The following SLC22A12 variants were observed in gnomAD, a reference collection of about 807,000 sequenced individuals.
SLC22A12 encodes the protein solute carrier family 22 member 12.
SLC22A12 carries 56 observed loss-of-function variants against 52.7 expected under a neutral mutation model. The observed-to-expected ratio is 1.06, with a 90% CI of 0.86 to 1.33. SLC22A12 has a LOEUF of 1.33. Among genes scored for constraint, SLC22A12 ranks in the 40% most tolerant of loss-of-function variants. The pLI is 0.00. For missense variants in SLC22A12, 683 were observed against 741.5 expected, an observed-to-expected ratio of 0.92 and a Z score of 0.92; for synonymous variants, 337 against 324.6, an observed-to-expected ratio of 1.04 and a Z score of -0.41.
chr11:64,600,409 G>T lies in SLC22A12; in HGVS notation c.1328G>T (p.Gly443Val). The change falls in exon 8 of 10, where the codon GGC becomes GTC. Residue 443 changes from glycine to valine, a missense_variant. Coordinates refer to ENST00000377574, the MANE Select transcript of SLC22A12 (RefSeq NM_144585.4). ...LRSALAVLGL[G>V]GVGAAFTCIT... ...TCAGCCTTGGCCGTGCTGGGGCTGG[G>T]CGGGGTGGGGGCTGCCTTCACCTGC... The T allele has an allele frequency of 6.2e-7, 1 of 1,607,714 alleles. No individual in the cohort carries two copies.
chr11:64,593,098 G>T (rs71581778), intron 2 of SLC22A12, among the ~76,000 whole-genome samples: 2 of 152,354 alleles, frequency 1.3e-5, no homozygotes, highest in East Asian at 3.9e-4. Flanking sequence ...TTACTCTGGG[G>T]GTTGTAGAGG....
At position 64,593,744 on chromosome 11, in the gene SLC22A12, C is replaced by T; in HGVS notation, c.771C>T (p.Asp257=). Residue 257 remains aspartate (D), a synonymous_variant, in exon 4 of 10, where the codon GAC becomes GAT. Transcript: ENST00000377574. ...CTGCAGTGGCCTACGGTGTGCGGGA[C>T]TGGACACTGCTGCAGCTGGTGGTCT... The part of the protein sequence containing the change: ...LTAAVAYGVR[D]WTLLQLVVSV... The T allele has an allele frequency of 3.1e-6, 5 of 1,613,348 alleles. No individual in the cohort carries two copies. Among genetic ancestry groups the T allele is most frequent in the Non-Finnish European group, 4.2e-6 (5 of 1,180,028 alleles).
rs373881060 is a variant in SLC22A12 at position 64,593,628 on chromosome 11, C to T, written c.662-7C>T. 3.5e-4 allele frequency: 562 copies of T among 1,614,088 alleles called. No individual in the cohort carries two copies. Among genetic ancestry groups the T allele is most frequent in the Non-Finnish European group, 4.5e-4 (532 of 1,180,054 alleles). On this transcript the variant is annotated splice_polypyrimidine_tract_variant and splice_region_variant and intron_variant, in intron 3 of 9. Coordinates refer to ENST00000377574, the MANE Select transcript of SLC22A12 (RefSeq NM_144585.4). ...CTCCAGGGCTGAACCACTCGGTCTC[C>T]TTGCAGTGATGGAGTGGACGGCGGC...
intron 4 of SLC22A12, among the ~76,000 whole-genome samples, chr11:64,595,360 TGGA>T (rs2039123631): frequency 3.4e-4 from 13 of 38,364 alleles, no homozygotes; most frequent in African/African-American, 6.3e-4. Context: ...AATGGATGGA[TGGA>T]TGGATGGATG....
chr11:64,596,023 AATGGATGGATGGT>A (rs1565137389), intron 4 of SLC22A12, among the ~76,000 whole-genome samples: 46 of 3,112 alleles, frequency 0.015, no homozygotes, highest in Middle Eastern at 0.17. Context: ...GGATGGATGG[AATGGATGGATGGT>A]TGGAATAGAT....
Position 64,591,454 on chromosome 11 carries a change from G to T in SLC22A12, c.-103G>T. On this transcript the variant is annotated 5_prime_UTR_variant, in exon 1 of 10. Coordinates refer to ENST00000377574, the MANE Select transcript of SLC22A12 (RefSeq NM_144585.4). ...TAGCCGCTGGGCTGGAGAAGCCACTGTGGGCACCACCGTGGGGGAAACAGG... is the reference window on the plus strand; with the variant it reads ...TAGCCGCTGGGCTGGAGAAGCCACTTTGGGCACCACCGTGGGGGAAACAGG... The T allele has an allele frequency of 6.6e-7, 1 of 1,510,282 alleles. No homozygotes were observed. The highest frequency in any genetic ancestry group is 1.4e-5 in the African/African-American group (1 of 72,594). The allele number at this position is 1,510,282 out of a possible 1,614,324, so 93.6% of individuals were successfully genotyped here. A position where few individuals can be genotyped will look rare whatever the true frequency, so the allele number is the denominator to read the frequency against.
chr11:64,597,529 C>T (rs562584089), intron 4 of SLC22A12, among the ~76,000 whole-genome samples: 57 of 152,318 alleles, frequency 3.7e-4, no homozygotes, highest in African/African-American at 1.2e-3. Context: ...CCCTCACCAT[C>T]CCCCCACCAA....
chr11:64,600,355 C>T lies in SLC22A12; in HGVS notation c.1286-12C>T, dbSNP rs747458896. The T allele has an allele frequency of 6.3e-7, 1 of 1,587,980 alleles. No homozygotes were observed. Among genetic ancestry groups the T allele is most frequent in the African/African-American group, 1.3e-5 (1 of 74,588 alleles). ...CCCCCACCAAGCTCACTAATCCCAT[C>T]TCTACCCACAGAAATGGGGGCTCTG... On this transcript the variant is annotated splice_polypyrimidine_tract_variant and intron_variant, in intron 7 of 9. Coordinates refer to ENST00000377574, the MANE Select transcript of SLC22A12 (RefSeq NM_144585.4).
At chr11:64,593,257 G>A in intron 2 of SLC22A12, 148 bp from the exon 3 acceptor site, 1 of 1,271,608 alleles carries the variant, frequency 7.9e-7, no homozygotes, top group Non-Finnish European at 1.1e-6. Flanking sequence ...GGTTCCGTAG[G>A]TGGAGAATGT....
chr11:64,595,948 ATGGATGGATGG>A (rs2039182049), intron 4 of SLC22A12, among the ~76,000 whole-genome samples: 1 of 54,234 alleles, frequency 1.8e-5, no homozygotes, highest in African/African-American at 3.9e-5. Context: ...GGATGGATGG[ATGGATGGATGG>A]ATGGATGGAA....
At chr11:64,597,066 CTG>C (rs1034430041) in intron 4 of SLC22A12, among the ~76,000 whole-genome samples, 15 of 152,180 alleles carry the variant, frequency 9.9e-5, no homozygotes, top group Admixed American at 9.8e-4. Flanking sequence ...GCCTCACAAA[CTG>C]TGCTTAGGGC....
intron 2 of SLC22A12, 40 bp from the exon 3 acceptor site, chr11:64,593,354 CCTGTGCCGTGG>C: frequency 6.2e-7 from 1 of 1,613,046 alleles, no homozygotes. Flanking sequence ...AGCCCCGTGG[CCTGTGCCGTGG>C]CAAGCCACAG....
intron 8 of SLC22A12, 89 bp downstream of exon 8, chr11:64,600,564 ATG>A (rs2135470905): frequency 7.3e-7 from 1 of 1,364,896 alleles, no homozygotes; most frequent in East Asian, 2.4e-5. Context: ...CCAGACCTAG[ATG>A]TTCATGTCAT....
At chr11:64,593,286 G>C (rs71581773) in intron 2 of SLC22A12, 119 bp from the exon 3 acceptor site, 1 of 1,498,214 alleles carries the variant, frequency 6.7e-7, no homozygotes, top group African/African-American at 1.4e-5. Context: ...CCCAGGTGCC[G>C]CTTCAGTGTC....
At chr11:64,599,609 T>TTCCC in intron 6 of SLC22A12, 67 bp from the exon 7 acceptor site, 4 of 221,468 alleles carry the variant, frequency 1.8e-5, no homozygotes, top group Non-Finnish European at 3.2e-5. Context: ...CGCCCATTGT[T>TTCCC]CCCACCCTGC....
chr11:64,593,937 G>A, intron 4 of SLC22A12, 134 bp downstream of exon 4: 1 of 1,344,378 alleles, frequency 7.4e-7, no homozygotes, highest in South Asian at 1.3e-5. Flanking sequence ...AGGAAAGCCA[G>A]GAGCGTGGCA....
chr11:64,601,429 G>A (rs2039451304), intron 9 of SLC22A12, 59 bp from the exon 10 acceptor site: 1 of 1,569,974 alleles, frequency 6.4e-7, no homozygotes, highest in African/African-American at 1.4e-5. Context: ...ATGGACACAG[G>A]TCAAGGGTCA....
chr11:64,592,902 G>A lies in SLC22A12; in HGVS notation c.506+20G>A. On this transcript the variant is annotated intron_variant, in intron 2 of 9. Transcript: ENST00000377574. Reference sequence around the variant, plus strand: ...AGACAGGTGAGTACCCCCAGTCCAGGCAGGTCCCAGTTCCCCTCACAACCC... The same window carrying A: ...AGACAGGTGAGTACCCCCAGTCCAGACAGGTCCCAGTTCCCCTCACAACCC... 6.2e-7 allele frequency: 1 copy of A among 1,603,650 alleles called. No homozygotes were observed. The highest frequency in any genetic ancestry group is 1.1e-5 in the South Asian group (1 of 90,878).
At chr11:64,596,254 G>A (rs2039221793) in intron 4 of SLC22A12, among the ~76,000 whole-genome samples, 3 of 93,702 alleles carry the variant, frequency 3.2e-5, no homozygotes, top group Non-Finnish European at 6.7e-5. Context: ...TGGAATGGAT[G>A]GATGGATGGA....
Sources: gnomAD v4.1 joint callset for allele counts (sites outside exome capture counted in the v4.1 genomes callset) on GRCh38, gnomAD v4.1.1 for gene constraint, MANE v1.5 for transcripts, NCBI Gene and HGNC (gene_info 2026-07-23, HGNC 2026-07-21) for gene names.